The following MCC variants were observed in gnomAD, a reference collection of about 807,000 sequenced individuals.
MCC encodes the protein colorectal mutant cancer protein.
In MCC, 90 loss-of-function variants were observed where a neutral mutation model predicts 116.2. That is an observed-to-expected ratio of 0.77 (90% CI 0.65 to 0.92). MCC has a LOEUF of 0.92. MCC is among the 40% of genes least tolerant of loss of function. The pLI, the probability that MCC is intolerant of heterozygous loss-of-function variation, is 0.00. For missense variants in MCC, 1,516 were observed against 1,312.2 expected, an observed-to-expected ratio of 1.16 and a Z score of -2.40; for synonymous variants, 578 against 510.5, an observed-to-expected ratio of 1.13 and a Z score of -1.78.
chr5:113,473,924 A>G (rs1314693836), intron 1 of MCC, among the ~76,000 whole-genome samples: 1 of 152,194 alleles, frequency 6.6e-6, no homozygotes, highest in Non-Finnish European at 1.5e-5. Flanking sequence ...TGAAAAGCTG[A>G]CAGAAAAAAT....
At position 113,488,354 on chromosome 5, in the gene MCC, C is replaced by T. The variant is rs1473777595; in HGVS notation, c.61G>A (p.Gly21Ser). Reference sequence around the variant, plus strand: ...CTGCTGCTGCTGCTGCTGCCGCTGCCGCCGCCGCCGCCGCCGCTGCTGGAG... The same window carrying T: ...CTGCTGCTGCTGCTGCTGCCGCTGCTGCCGCCGCCGCCGCCGCTGCTGGAG... The part of the protein sequence containing the change: ...GSSSSGGGGG[G>S]SGSSSSSSDT... Residue 21 changes from glycine (G) to serine (S), a missense_variant, in exon 1 of 19, where the codon GGC (glycine) becomes AGC (serine). By Grantham distance (56) the Gly-to-Ser change is moderately conservative. Transcript: ENST00000408903. 3 of 1,389,804 alleles carry T rather than the reference C, an allele frequency of 2.2e-6. No homozygotes were observed. The highest frequency in any genetic ancestry group is 1.9e-6 in the Non-Finnish European group (2 of 1,044,982). The allele number at this position is 1,389,804 out of a possible 1,614,324, so 86.1% of individuals were successfully genotyped here. A position where few individuals can be genotyped will look rare whatever the true frequency, so the allele number is the denominator to read the frequency against.
intron 7 of MCC, among the ~76,000 whole-genome samples, chr5:113,102,865 C>T (rs1190834000): frequency 6.6e-6 from 1 of 151,906 alleles, no homozygotes; most frequent in East Asian, 1.9e-4. Context: ...GCCTGTAATC[C>T]CAGCACTTGG....
chr5:113,209,717 A>T (rs948622442), intron 3 of MCC, among the ~76,000 whole-genome samples: 1 of 152,190 alleles, frequency 6.6e-6, no homozygotes, highest in Non-Finnish European at 1.5e-5. Context: ...TCCTAGTGTC[A>T]GTGGGTCAGG....
intron 3 of MCC, among the ~76,000 whole-genome samples, chr5:113,203,824 C>T (rs1348630341): frequency 6.6e-6 from 1 of 152,136 alleles, no homozygotes; most frequent in Non-Finnish European, 1.5e-5. Flanking sequence ...TGCCATAGAT[C>T]CAGCGCAAGG....
At position 113,311,170 on chromosome 5, in the gene MCC, C is replaced by T. The variant is rs374646255; in HGVS notation, c.627+29349G>A. On this transcript the variant is annotated intron_variant, in intron 3 of 18. Coordinates refer to ENST00000408903, the MANE Select transcript of MCC (RefSeq NM_001085377.2). The stretch of plus-strand genomic sequence containing the variant: ...TACACCATCATTGCCTTCAGTTAAA[C>T]TTAGAGTCAGTTTGTGGTAGAATGC... Among the ~76,000 whole-genome samples, 27 of 152,314 alleles carry T rather than the reference C, an allele frequency of 1.8e-4. 4 individuals are homozygous for T. The highest frequency in any genetic ancestry group is 7.2e-4 in the Admixed American group (11 of 15,298).
chr5:113,024,228 CTAGT>C lies in MCC; in HGVS notation c.*3070_*3073del, dbSNP rs1380249940. On this transcript the variant is annotated 3_prime_UTR_variant, in exon 19 of 19. Coordinates refer to ENST00000408903, the MANE Select transcript of MCC (RefSeq NM_001085377.2). ...ATTAAGCAATTTTAAAAGTTAAGTG[CTAGT>C]TAAACATAACATTTGTTTCAGGCAG... is the stretch of plus-strand genomic sequence containing the variant. 2 of 151,916 alleles carry C rather than the reference CTAGT, an allele frequency of 1.3e-5. No homozygotes were observed. The highest frequency in any genetic ancestry group is 2.1e-4 in the South Asian group (1 of 4,810). 9.4% of individuals were successfully genotyped at this position (151,916 alleles called of 1,614,324 possible).
intron 3 of MCC, among the ~76,000 whole-genome samples, chr5:113,178,837 A>C (rs777906787): frequency 6.6e-6 from 1 of 152,172 alleles, no homozygotes; most frequent in African/African-American, 2.4e-5. Flanking sequence ...AAGGGGATCT[A>C]AAGTCTTCCT....
intron 8 of MCC, among the ~76,000 whole-genome samples, chr5:113,096,239 T>A (rs1756007587): frequency 6.6e-6 from 1 of 152,222 alleles, no homozygotes; most frequent in Non-Finnish European, 1.5e-5. Context: ...TAGAGGACAC[T>A]TGGAGAAGCT....
chr5:113,076,303 A>G (rs965195617), intron 11 of MCC, among the ~76,000 whole-genome samples: 1 of 152,224 alleles, frequency 6.6e-6, no homozygotes. Context: ...CAGGAAATAC[A>G]GAGAACACCA....
chr5:113,171,348 C>T (rs1038376597), intron 3 of MCC, among the ~76,000 whole-genome samples: 1 of 150,614 alleles, frequency 6.6e-6, no homozygotes, highest in East Asian at 2.0e-4. Flanking sequence ...AAGCAGAAGG[C>T]GGAAACCTCT....
intron 16 of MCC, among the ~76,000 whole-genome samples, chr5:113,047,135 C>T (rs531514863): frequency 6.6e-6 from 1 of 152,304 alleles, no homozygotes; most frequent in South Asian, 2.1e-4. Context: ...CTGAATCTCC[C>T]AAGTGGACAT....
chr5:113,433,440 G>T, intron 1 of MCC: 1 of 602,000 alleles, frequency 1.7e-6, no homozygotes, highest in Non-Finnish European at 3.1e-6. Flanking sequence ...CTGAGCCGTT[G>T]CGGCCAGTGG....
intron 3 of MCC, among the ~76,000 whole-genome samples, chr5:113,202,787 T>TAA (rs11387012): frequency 0.034 from 4,779 of 139,806 alleles, 84 homozygotes; most frequent in Middle Eastern, 0.044. Context: ...GCCCTTTATT[T>TAA]AAAAAAAAAA....
At chr5:113,120,859 T>C (rs1757694737) in intron 6 of MCC, among the ~76,000 whole-genome samples, 1 of 152,210 alleles carries the variant, frequency 6.6e-6, no homozygotes, top group African/African-American at 2.4e-5. Context: ...TCTGAATGCC[T>C]ACTGCCTTCT....
rs57290429 is a variant in MCC at position 113,169,329 on chromosome 5, G to A, written c.628-17907C>T. Among the ~76,000 whole-genome samples, 798 of 152,152 alleles carry A rather than the reference G, an allele frequency of 5.2e-3. 11 individuals carry two copies. The highest frequency in any genetic ancestry group is 0.018 in the African/African-American group (745 of 41,508). On this transcript the variant is annotated intron_variant, in intron 3 of 18. Coordinates refer to ENST00000408903, the MANE Select transcript of MCC (RefSeq NM_001085377.2). ...TAATAATAAGCAAATTAACATTATA[G>A]GTCTTTTTAAAAGTCTTTTTGAAAG...
intron 3 of MCC, chr5:113,294,800 G>A: frequency 1.0e-6 from 1 of 986,994 alleles, no homozygotes; most frequent in Non-Finnish European, 1.2e-6. Flanking sequence ...GAGGGCACCG[G>A]CGAGCTCCCG....
intron 3 of MCC, among the ~76,000 whole-genome samples, chr5:113,317,549 G>A (rs1255893152): frequency 6.6e-6 from 1 of 152,194 alleles, no homozygotes; most frequent in Non-Finnish European, 1.5e-5. Context: ...TTATGGCCAG[G>A]TGCTAAAGAA....
intron 1 of MCC, among the ~76,000 whole-genome samples, chr5:113,405,778 G>A (rs987611202): frequency 6.6e-6 from 1 of 151,524 alleles, no homozygotes; most frequent in Non-Finnish European, 1.5e-5. Context: ...CTCCACTCCA[G>A]CCTAGGTGAT....
chr5:113,351,417 G>A (rs1165579054), intron 2 of MCC, among the ~76,000 whole-genome samples: 1 of 152,108 alleles, frequency 6.6e-6, no homozygotes, highest in Non-Finnish European at 1.5e-5. Context: ...AAGTCATTAT[G>A]TTAAATGAAA....
Sources: gnomAD v4.1 joint callset for allele counts (sites outside exome capture counted in the v4.1 genomes callset) on GRCh38, gnomAD v4.1.1 for gene constraint, MANE v1.5 for transcripts, NCBI Gene and HGNC (gene_info 2026-07-23, HGNC 2026-07-21) for gene names.